Variants in SPTSSB observed in about 807,000 individuals in gnomAD.
The protein encoded by SPTSSB is serine palmitoyltransferase small subunit B.
Under a neutral mutation model 7.7 loss-of-function variants are expected in SPTSSB, and 6 were observed. That is an observed-to-expected ratio of 0.78 (90% CI 0.43 to 1.54). The LOEUF (loss-of-function observed/expected upper bound fraction) is 1.54. Ranked by LOEUF, SPTSSB falls within the 40% of genes most tolerant of loss-of-function variation. SPTSSB has a pLI of 0.01. For synonymous variants in SPTSSB, 28 were observed against 29.7 expected (o/e 0.94, Z 0.19); for missense variants, 91 against 93.0 (o/e 0.98, Z 0.09).
intron 1 of SPTSSB, among the ~76,000 whole-genome samples, chr3:161,366,306 T>A (rs1715216362): frequency 6.6e-6 from 1 of 152,246 alleles, no homozygotes; most frequent in African/African-American, 2.4e-5. Flanking sequence ...TGCAGTGATT[T>A]ACATAGGTTG....
intron 1 of SPTSSB, among the ~76,000 whole-genome samples, chr3:161,363,563 T>C (rs910531114): frequency 6.6e-6 from 1 of 152,014 alleles, no homozygotes; most frequent in Non-Finnish European, 1.5e-5. Flanking sequence ...CCCTGAGATA[T>C]CACAATAAAA....
intron 1 of SPTSSB, among the ~76,000 whole-genome samples, chr3:161,369,859 C>T (rs1161176871): frequency 1.3e-5 from 2 of 152,144 alleles, no homozygotes; most frequent in Admixed American, 6.5e-5. Context: ...GTGGTTCAAG[C>T]ATCACAATTG....
chr3:161,368,706 G>A (rs954741591), intron 1 of SPTSSB, among the ~76,000 whole-genome samples: 2 of 152,148 alleles, frequency 1.3e-5, no homozygotes, highest in Admixed American at 6.5e-5. Flanking sequence ...GATTACAGGC[G>A]TGAGCCACCG....
chr3:161,369,813 C>T (rs1715431108), intron 1 of SPTSSB, among the ~76,000 whole-genome samples: 1 of 152,132 alleles, frequency 6.6e-6, no homozygotes, highest in South Asian at 2.1e-4. Flanking sequence ...ACTGGAACAT[C>T]ATCACACTCA....
In SPTSSB at chr3:161,366,517, G is replaced by C. The variant is rs182296658; in HGVS notation, c.-126+4918C>G. Among the ~76,000 whole-genome samples, 434 of 152,190 alleles carry C rather than the reference G, an allele frequency of 2.9e-3. 2 individuals carry two copies. The highest frequency in any genetic ancestry group is 5.1e-3 in the Admixed American group (78 of 15,284). ...TAACTGGGAGCTGGTAGTCCTTTTG[G>C]CGAGTTACAGTGGCCAGGTTTGTAT... On this transcript the variant is annotated intron_variant, in intron 1 of 2. Transcript: ENST00000620149.
Position 161,355,156 on chromosome 3 carries a change from A to C in SPTSSB, c.-33+4646T>G, listed in dbSNP as rs150889836. Among the ~76,000 whole-genome samples, 656 of 152,328 alleles carry C rather than the reference A, an allele frequency of 4.3e-3. 3 individuals carry two copies. Among genetic ancestry groups the C allele is most frequent in the African/African-American group, 0.015 (629 of 41,580 alleles). ...GAGTAGGGCTTCTAGGTCAAGGTTT[A>C]GCTACAATGTCCTTTCTTAGTATGA... On this transcript the variant is annotated intron_variant, in intron 2 of 2. Coordinates refer to ENST00000620149, the MANE Select transcript of SPTSSB (RefSeq NM_001040100.2).
At chr3:161,359,719 GA>G in intron 2 of SPTSSB, 82 bp downstream of exon 2, 1 of 985,120 alleles carries the variant, frequency 1.0e-6, no homozygotes, top group African/African-American at 1.7e-5. Flanking sequence ...GAGAGAACTA[GA>G]TGTGTTAATG....
chr3:161,345,983 G>C lies in SPTSSB; in HGVS notation c.*110C>G. 1 of 647,454 alleles carries C rather than the reference G, an allele frequency of 1.5e-6. No individual in the cohort carries two copies. The highest frequency in any genetic ancestry group is 1.8e-5 in the South Asian group (1 of 54,680). 40.1% of individuals were successfully genotyped at this position (647,454 alleles called of 1,614,324 possible). A position where few individuals can be genotyped will look rare whatever the true frequency, so the allele number is the denominator to read the frequency against. ...GCAGAATATAAGAGTGCATAGAGAA[G>C]AGAGTGCTTTTCAGGTCAGATAGTG... On this transcript the variant is annotated 3_prime_UTR_variant, in exon 3 of 3. Transcript: ENST00000620149.
At chr3:161,360,477 A>G (rs138553837) in intron 1 of SPTSSB, among the ~76,000 whole-genome samples, 2 of 152,274 alleles carry the variant, frequency 1.3e-5, no homozygotes, top group East Asian at 3.9e-4. Flanking sequence ...TTCCTCATAT[A>G]TAGAACAGTG....
At chr3:161,350,999 A>G (rs1455171992) in intron 2 of SPTSSB, among the ~76,000 whole-genome samples, 1 of 152,130 alleles carries the variant, frequency 6.6e-6, no homozygotes, top group African/African-American at 2.4e-5. Flanking sequence ...GGGGCATTCT[A>G]CAAGATACCT....
chr3:161,352,610 C>G (rs539849461), intron 2 of SPTSSB, among the ~76,000 whole-genome samples: 3 of 152,204 alleles, frequency 2.0e-5, no homozygotes, highest in Admixed American at 6.5e-5. Context: ...GCTGACTGAC[C>G]GATTCAGTTG....
chr3:161,358,754 T>C (rs2108163039), intron 2 of SPTSSB, among the ~76,000 whole-genome samples: 1 of 152,352 alleles, frequency 6.6e-6, no homozygotes, highest in Middle Eastern at 3.4e-3. Context: ...ACAAACAGGC[T>C]TCAGCAACCT....
At chr3:161,366,330 C>T (rs1715217994) in intron 1 of SPTSSB, among the ~76,000 whole-genome samples, 1 of 152,168 alleles carries the variant, frequency 6.6e-6, no homozygotes, top group South Asian at 2.1e-4. Flanking sequence ...TTCGCGAGAG[C>T]AGGTGTTGGG....
intron 2 of SPTSSB, among the ~76,000 whole-genome samples, chr3:161,355,829 A>G (rs144670524): frequency 6.6e-6 from 1 of 152,350 alleles, no homozygotes; most frequent in African/African-American, 2.4e-5. Context: ...GTTAAATTAT[A>G]TGTGTAGTTT....
intron 2 of SPTSSB, 43 bp from the exon 3 acceptor site, chr3:161,346,398 T>G (rs1214104338): frequency 9.9e-7 from 1 of 1,009,178 alleles, no homozygotes; most frequent in Middle Eastern, 2.1e-4. Context: ...GAACCAAACA[T>G]AGAATCACTT....
intron 1 of SPTSSB, among the ~76,000 whole-genome samples, chr3:161,366,057 C>T (rs1005974834): frequency 5.9e-5 from 9 of 152,172 alleles, no homozygotes; most frequent in African/African-American, 2.2e-4. Context: ...TCTTACCTTA[C>T]TTCTCCCCAA....
At chr3:161,355,404 C>T (rs1714727106) in intron 2 of SPTSSB, among the ~76,000 whole-genome samples, 1 of 152,150 alleles carries the variant, frequency 6.6e-6, no homozygotes, top group Non-Finnish European at 1.5e-5. Context: ...GGTGTATCCA[C>T]ATTCACAGAA....
In SPTSSB at chr3:161,352,547, G is replaced by GTAT. The variant is rs562147251; in HGVS notation, c.-32-6193_-32-6192insATA. Among the ~76,000 whole-genome samples, 132 of 152,346 alleles carry GTAT rather than the reference G, an allele frequency of 8.7e-4. 1 individual carries two copies. Among genetic ancestry groups the GTAT allele is most frequent in the Non-Finnish European group, 1.2e-3 (80 of 68,034 alleles). ...TATGAGGGCTTTGGGTACTGGGAAT[G>GTAT]TGCAGCATTCATCTTTTTATCCCCA... On this transcript the variant is annotated intron_variant, in intron 2 of 2. Transcript: ENST00000620149.
At chr3:161,347,744 G>A (rs1352488068) in intron 2 of SPTSSB, among the ~76,000 whole-genome samples, 4 of 151,954 alleles carry the variant, frequency 2.6e-5, no homozygotes, top group African/African-American at 9.7e-5. Context: ...ATGGTGGTGG[G>A]CACCTGTAAT....
Sources: gnomAD v4.1 joint callset for allele counts (sites outside exome capture counted in the v4.1 genomes callset) on GRCh38, gnomAD v4.1.1 for gene constraint, MANE v1.5 for transcripts, NCBI Gene and HGNC (gene_info 2026-07-23, HGNC 2026-07-21) for gene names.